NRG1: variants seen among roughly 807,000 people sequenced by gnomAD.
The protein encoded by NRG1 is pro-neuregulin-1, membrane-bound isoform.
A neutral mutation model predicts 63.8 loss-of-function variants in NRG1; 18 were observed. The ratio of observed to expected loss-of-function variants is 0.28; its 90% CI spans 0.19 to 0.42. The LOEUF (loss-of-function observed/expected upper bound fraction) is 0.42. Ranked by LOEUF, NRG1 falls within the 10% of genes least tolerant of loss-of-function variation. The probability of loss-of-function intolerance (pLI) is 1.00; values close to 1 mark genes in which losing one functional copy is unlikely to be tolerated. For missense variants in NRG1, 762 were observed against 814.7 expected (o/e 0.94, Z 0.79); for synonymous variants, 302 against 301.3 (o/e 1.00, Z -0.02).
chr8:31,686,792 G>A (rs929623055), intron 1 of NRG1, among the ~76,000 whole-genome samples: 1 of 150,014 alleles, frequency 6.7e-6, no homozygotes, highest in Non-Finnish European at 1.5e-5. Context: ...TTTTTGAGAC[G>A]GAGTTTCTCT....
intron 1 of NRG1, among the ~76,000 whole-genome samples, chr8:32,084,165 C>CA (rs1459335949): frequency 6.6e-6 from 1 of 152,122 alleles, no homozygotes; most frequent in Non-Finnish European, 1.5e-5. Context: ...AATGAGTGCT[C>CA]AGAGTTTGTA....
chr8:31,702,451 A>ATT (rs10685166), intron 1 of NRG1, among the ~76,000 whole-genome samples: 30,463 of 146,450 alleles, frequency 0.21, 4,204 homozygotes, highest in East Asian at 0.63. Context: ...TTCCCATAAC[A>ATT]TTTTTTTTTT....
chr8:31,804,690 C>T, intron 1 of NRG1, among the ~76,000 whole-genome samples: 1 of 152,142 alleles, frequency 6.6e-6, no homozygotes, highest in African/African-American at 2.4e-5. Flanking sequence ...TGACTTTTTT[C>T]TTCTATGGAA....
chr8:32,290,877 G>A (rs1854113833), intron 1 of NRG1, among the ~76,000 whole-genome samples: 1 of 151,926 alleles, frequency 6.6e-6, no homozygotes, highest in Non-Finnish European at 1.5e-5. Flanking sequence ...AAGGATATTT[G>A]TATTAGTTAG....
chr8:31,985,842 T>C (rs1809965892), intron 1 of NRG1, among the ~76,000 whole-genome samples: 1 of 152,124 alleles, frequency 6.6e-6, no homozygotes, highest in South Asian at 2.1e-4. Context: ...TGTACTTATA[T>C]TGCATTTCTT....
intron 1 of NRG1, among the ~76,000 whole-genome samples, chr8:32,555,875 G>T (rs933270656): frequency 6.6e-6 from 1 of 152,174 alleles, no homozygotes; most frequent in Non-Finnish European, 1.5e-5. Context: ...TTACTCTCAG[G>T]ATATTACTCC....
intron 1 of NRG1, among the ~76,000 whole-genome samples, chr8:31,775,201 T>C (rs1056132356): frequency 3.3e-5 from 5 of 152,334 alleles, no homozygotes; most frequent in African/African-American, 1.2e-4. Flanking sequence ...CACCTAAGTG[T>C]CCATCATGGA....
At chr8:32,043,347 C>T (rs569920632) in intron 1 of NRG1, among the ~76,000 whole-genome samples, 102 of 151,932 alleles carry the variant, frequency 6.7e-4, no homozygotes, top group African/African-American at 2.3e-3. Context: ...CAACAAAAAC[C>T]TCCTCAGGAA....
rs1218351017 is a variant in NRG1 at position 32,048,383 on chromosome 8, GA to G, written c.37+408954del. Among the ~76,000 whole-genome samples the G allele has an allele frequency of 2.8e-5, 4 of 142,336 alleles. No homozygotes were observed. In the East Asian group the frequency reaches 8.1e-4, roughly 29 times the overall value. 93.4% of individuals were successfully genotyped at this position (142,336 alleles called of 152,430 possible). A position where few individuals can be genotyped will look rare whatever the true frequency, so the allele number is the denominator to read the frequency against. On this transcript the variant is annotated intron_variant, in intron 1 of 10. Transcript: ENST00000519301. The stretch of plus-strand genomic sequence containing the variant: ...TATGCATGTATACATATATATGTAT[GA>G]ATATATATACATGTACATGAATATG...
Position 32,204,803 on chromosome 8 carries a change from A to G in NRG1, c.38-391025A>G, listed in dbSNP as rs373841086. Among the ~76,000 whole-genome samples, 7 of 152,300 alleles carry G rather than the reference A, an allele frequency of 4.6e-5. No individual in the cohort carries two copies. The East Asian group carries it at 9.6e-4, about 21-fold the overall frequency. ...GTTTCTTTCTTGTGTGTTCTATCTGAAGAAAATCATCTGAAATCCCTCATT... is the reference window on the plus strand; with the variant it reads ...GTTTCTTTCTTGTGTGTTCTATCTGGAGAAAATCATCTGAAATCCCTCATT... On this transcript the variant is annotated intron_variant, in intron 1 of 10. Transcript: ENST00000519301.
intron 1 of NRG1, among the ~76,000 whole-genome samples, chr8:31,644,165 G>A (rs957896629): frequency 6.6e-6 from 1 of 152,092 alleles, no homozygotes; most frequent in Non-Finnish European, 1.5e-5. Context: ...CTATATTAAG[G>A]AAATAGAAAC....
intron 5 of NRG1, among the ~76,000 whole-genome samples, chr8:32,715,746 C>A (rs1819047284): frequency 6.6e-6 from 1 of 151,314 alleles, no homozygotes; most frequent in Non-Finnish European, 1.5e-5. Flanking sequence ...TCAAGTGATT[C>A]TCCTGCCTCA....
chr8:32,283,722 A>G (rs182642801), intron 1 of NRG1, among the ~76,000 whole-genome samples: 1 of 152,288 alleles, frequency 6.6e-6, no homozygotes, highest in East Asian at 1.9e-4. Context: ...AAACAGCAAG[A>G]TAATTTTTTT....
chr8:32,151,524 G>C (rs1046349633), intron 1 of NRG1, among the ~76,000 whole-genome samples: 1 of 152,124 alleles, frequency 6.6e-6, no homozygotes, highest in African/African-American at 2.4e-5. Flanking sequence ...ATGAAGGTCA[G>C]GGCAGTGGAA....
At chr8:32,552,297 C>G (rs1834306886) in intron 1 of NRG1, among the ~76,000 whole-genome samples, 1 of 147,484 alleles carries the variant, frequency 6.8e-6, no homozygotes, top group Non-Finnish European at 1.5e-5. Flanking sequence ...GTTGTTCTTA[C>G]TCTGCACCTC....
chr8:32,665,928 T>C (rs193189557), intron 5 of NRG1, among the ~76,000 whole-genome samples: 10 of 152,360 alleles, frequency 6.6e-5, no homozygotes, highest in Non-Finnish European at 1.2e-4. Context: ...TATTTTAATA[T>C]AATTAGTGAG....
At chr8:32,380,715 T>C (rs1587232791) in intron 1 of NRG1, among the ~76,000 whole-genome samples, 1 of 152,200 alleles carries the variant, frequency 6.6e-6, no homozygotes, top group Non-Finnish European at 1.5e-5. Context: ...CAGTATGCCC[T>C]ATTGCCTCTA....
At chr8:31,672,793 G>A (rs1807287515) in intron 1 of NRG1, among the ~76,000 whole-genome samples, 1 of 152,082 alleles carries the variant, frequency 6.6e-6, no homozygotes, top group Non-Finnish European at 1.5e-5. Context: ...CTCGAGTAAT[G>A]AGGTGCTCTA....
chr8:32,723,588 G>A (rs1198590515), intron 5 of NRG1, among the ~76,000 whole-genome samples: 1 of 148,708 alleles, frequency 6.7e-6, no homozygotes, highest in African/African-American at 2.5e-5. Flanking sequence ...TACTCAGGAG[G>A]CTGAGGCAGG....
Sources: allele counts gnomAD v4.1 joint callset (sites outside exome capture counted in the v4.1 genomes callset), GRCh38; gene constraint gnomAD v4.1.1; transcripts MANE v1.5; gene names NCBI Gene and HGNC (gene_info 2026-07-23, HGNC 2026-07-21).